Variants in MORC1 observed in about 807,000 individuals in gnomAD.
The protein encoded by MORC1 is MORC family CW-type zinc finger protein 1.
In MORC1, 59 loss-of-function variants were observed where a neutral mutation model predicts 134.9. The observed-to-expected ratio is 0.44, with a 90% CI of 0.35 to 0.54. MORC1 has a LOEUF of 0.54. Among genes scored for constraint, MORC1 ranks in the 20% least tolerant of loss-of-function variants. The pLI is 0.00. For missense variants in MORC1, 947 were observed against 1,134.5 expected, an observed-to-expected ratio of 0.83 and a Z score of 2.37; for synonymous variants, 395 against 391.7, an observed-to-expected ratio of 1.01 and a Z score of -0.10.
rs759725065 is a variant in MORC1, at chr3:108,963,402, T to G, written c.2799+12A>C. On this transcript the variant is annotated intron_variant, in intron 27 of 27. Transcript: ENST00000232603. ...TCTACTCCTACTGCTCAAATACAAC[T>G]TTTTCACTCACCAGTTGGAGTTTCT... The G allele has an allele frequency of 1.9e-6, 3 of 1,605,056 alleles. No individual in the cohort carries two copies. In the African/African-American group the frequency reaches 4.0e-5, roughly 22 times the overall value.
chr3:109,028,041 G>A (rs191725128), intron 16 of MORC1, 152 bp from the exon 17 acceptor site: 10 of 818,814 alleles, frequency 1.2e-5, no homozygotes, highest in Admixed American at 3.1e-5. Flanking sequence ...CGTGGCTTTC[G>A]ATAACAAATA....
intron 16 of MORC1, among the ~76,000 whole-genome samples, chr3:109,032,009 T>C (rs1298645101): frequency 6.6e-6 from 1 of 152,174 alleles, no homozygotes; most frequent in Non-Finnish European, 1.5e-5. Flanking sequence ...AATGTTTTCT[T>C]TTTCTTTTAT....
chr3:108,984,850 T>G (rs1576596838), intron 22 of MORC1, 68 bp from the exon 23 acceptor site: 1 of 1,280,766 alleles, frequency 7.8e-7, no homozygotes, highest in Non-Finnish European at 1.1e-6. Flanking sequence ...AAAAGAAATG[T>G]TAGCAGTTCA....
intron 17 of MORC1, among the ~76,000 whole-genome samples, chr3:109,008,062 G>A (rs898319206): frequency 2.0e-5 from 3 of 151,932 alleles, no homozygotes; most frequent in African/African-American, 4.8e-5. Flanking sequence ...CCTTTTCATC[G>A]AAGGATATAT....
intron 18 of MORC1, among the ~76,000 whole-genome samples, chr3:109,005,837 T>C (rs1948525168): frequency 1.3e-5 from 2 of 152,174 alleles, no homozygotes; most frequent in African/African-American, 4.8e-5. Context: ...GACACTCTAG[T>C]TATCCTAAGC....
chr3:108,965,737 G>A (rs908386802), intron 26 of MORC1, among the ~76,000 whole-genome samples: 2 of 151,998 alleles, frequency 1.3e-5, no homozygotes, highest in African/African-American at 2.4e-5. Context: ...TGGGGAAACC[G>A]GGTGATGAGT....
chr3:109,028,240 C>T (rs969149452), intron 16 of MORC1, among the ~76,000 whole-genome samples: 1 of 151,882 alleles, frequency 6.6e-6, no homozygotes, highest in Admixed American at 6.6e-5. Context: ...CATTTCCCCC[C>T]CCAAAAAAGG....
At chr3:109,035,758 G>A (rs1949365064) in intron 14 of MORC1, among the ~76,000 whole-genome samples, 1 of 152,088 alleles carries the variant, frequency 6.6e-6, no homozygotes, top group African/African-American at 2.4e-5. Flanking sequence ...ATGTGTTTAT[G>A]CAATAAAACA....
intron 26 of MORC1, among the ~76,000 whole-genome samples, chr3:108,964,251 T>C (rs1210097904): frequency 2.6e-5 from 4 of 152,166 alleles, no homozygotes; most frequent in African/African-American, 7.2e-5. Context: ...CAGAAAGAGG[T>C]AATGGAGAGG....
chr3:109,047,413 A>T (rs1949718455), intron 14 of MORC1, among the ~76,000 whole-genome samples: 1 of 152,152 alleles, frequency 6.6e-6, no homozygotes. Flanking sequence ...TTAGCAAAAA[A>T]CTTCATTGTA....
intron 8 of MORC1, among the ~76,000 whole-genome samples, chr3:109,086,078 C>A (rs1178088484): frequency 1.3e-5 from 2 of 151,858 alleles, no homozygotes; most frequent in East Asian, 3.9e-4. Context: ...TGGTAGTTAC[C>A]AGAGGCAAGG....
chr3:109,041,127 T>C (rs1227549222), intron 14 of MORC1, among the ~76,000 whole-genome samples: 1 of 151,038 alleles, frequency 6.6e-6, no homozygotes, highest in African/African-American at 2.4e-5. Context: ...CTGGCCAACA[T>C]GGTGAAACCC....
In MORC1 at chr3:109,001,069, T is replaced by C. The variant is rs60342118; in HGVS notation, c.2086-411A>G. ...ATCTCCTGATTTATCCAGGAGAAAATTGGGTTTTCTAGATTTTCTTAAAGA... is the reference window on the plus strand; with the variant it reads ...ATCTCCTGATTTATCCAGGAGAAAACTGGGTTTTCTAGATTTTCTTAAAGA... On this transcript the variant is annotated intron_variant, in intron 20 of 27. Coordinates refer to ENST00000232603, the MANE Select transcript of MORC1 (RefSeq NM_014429.4). Among the ~76,000 whole-genome samples, 1,131 of 152,240 alleles carry C rather than the reference T, an allele frequency of 7.4e-3. 9 individuals are homozygous for C. Among genetic ancestry groups the C allele is most frequent in the African/African-American group, 0.016 (661 of 41,554 alleles).
chr3:109,017,314 C>T (rs112181809), intron 17 of MORC1, among the ~76,000 whole-genome samples: 4 of 152,240 alleles, frequency 2.6e-5, no homozygotes, highest in African/African-American at 7.2e-5. Flanking sequence ...AACACAAGAT[C>T]AGGAGAAAGT....
chr3:109,095,039 T>G lies in MORC1; in HGVS notation c.453A>C (p.Ile151=), dbSNP rs767907112. The G allele has an allele frequency of 6.3e-7, 1 of 1,591,484 alleles. No individual in the cohort carries two copies. Among genetic ancestry groups the G allele is most frequent in the Non-Finnish European group, 8.5e-7 (1 of 1,173,634 alleles). ...CATCTGTGACAGATTCTCTGGTTCTTATTAACCATGAGGGCATTGGAACTA... is the reference window on the plus strand; with the variant it reads ...CATCTGTGACAGATTCTCTGGTTCTGATTAACCATGAGGGCATTGGAACTA... ...EVVVPMPSWL[I]RTRESVTDDP... is the part of the protein sequence containing the mutation. The change falls in exon 7 of 28, where the codon ATA becomes ATC. Residue 151 remains isoleucine (I), a synonymous_variant. Transcript: ENST00000232603.
At chr3:108,962,438 T>C (rs1178376134) in intron 27 of MORC1, among the ~76,000 whole-genome samples, 1 of 152,154 alleles carries the variant, frequency 6.6e-6, no homozygotes, top group African/African-American at 2.4e-5. Flanking sequence ...TCCATGTTCT[T>C]CACACATTAT....
intron 1 of MORC1, 110 bp downstream of exon 1, chr3:109,117,885 A>T: frequency 1.1e-6 from 1 of 881,750 alleles, no homozygotes; most frequent in Non-Finnish European, 1.8e-6. Context: ...TAAATAAATA[A>T]ATCCATAAAT....
intron 24 of MORC1, among the ~76,000 whole-genome samples, chr3:108,974,221 C>CT (rs889603308): frequency 7.9e-5 from 12 of 152,186 alleles, no homozygotes; most frequent in Admixed American, 4.6e-4. Flanking sequence ...TACCCAGCAA[C>CT]TTGCAGTCTC....
chr3:109,053,792 AAG>A (rs1393915625), intron 14 of MORC1, among the ~76,000 whole-genome samples: 2 of 152,214 alleles, frequency 1.3e-5, no homozygotes, highest in Non-Finnish European at 2.9e-5. Context: ...GAAAAACAAA[AAG>A]AAGTTTAATT....
Sources: allele counts gnomAD v4.1 joint callset (sites outside exome capture counted in the v4.1 genomes callset), GRCh38; gene constraint gnomAD v4.1.1; transcripts MANE v1.5; gene names NCBI Gene and HGNC (gene_info 2026-07-23, HGNC 2026-07-21).